Variants in ATP2C2 observed in about 807,000 individuals in gnomAD.
ATP2C2 encodes calcium-transporting ATPase type 2C member 2.
Under a neutral mutation model 110.8 loss-of-function variants are expected in ATP2C2, and 171 were observed. That is an observed-to-expected ratio of 1.54 (90% CI 1.36 to 1.75). The LOEUF (loss-of-function observed/expected upper bound fraction) is 1.75. ATP2C2 is among the 40% of genes most tolerant of loss of function. The probability of loss-of-function intolerance (pLI) is 0.00; values close to 1 mark genes in which losing one functional copy is unlikely to be tolerated. For synonymous variants in ATP2C2, 804 were observed against 508.4 expected (o/e 1.58, Z -7.82); for missense variants, 1,963 against 1,235.0 (o/e 1.59, Z -8.84).
chr16:84,442,235 C>A (rs1344447566), intron 14 of ATP2C2, among the ~76,000 whole-genome samples: 3 of 152,164 alleles, frequency 2.0e-5, no homozygotes, highest in African/African-American at 7.2e-5. Flanking sequence ...ATGCCATCAT[C>A]CCCATTATCG....
chr16:84,397,819 G>T (rs1021334254), intron 1 of ATP2C2, among the ~76,000 whole-genome samples: 2 of 151,796 alleles, frequency 1.3e-5, no homozygotes, highest in African/African-American at 4.9e-5. Flanking sequence ...GTTGCTACAT[G>T]CATTCTCACT....
chr16:84,401,594 C>T (rs1403892251), intron 2 of ATP2C2, among the ~76,000 whole-genome samples: 1 of 152,134 alleles, frequency 6.6e-6, no homozygotes, highest in Non-Finnish European at 1.5e-5. Flanking sequence ...ATTGCCCTTT[C>T]CCCAGTGGAT....
chr16:84,425,866 C>T (rs1472393304), intron 11 of ATP2C2, 65 bp downstream of exon 11: 7 of 1,563,510 alleles, frequency 4.5e-6, no homozygotes, highest in Non-Finnish European at 5.3e-6. Flanking sequence ...CCCTTCCCTG[C>T]CGCAAGAGAA....
chr16:84,403,178 T>C (rs1269715278), intron 2 of ATP2C2, among the ~76,000 whole-genome samples: 4 of 152,222 alleles, frequency 2.6e-5, no homozygotes, highest in Non-Finnish European at 5.9e-5. Context: ...TCTCTTTTTT[T>C]CTTAGCCTGG....
intron 11 of ATP2C2, among the ~76,000 whole-genome samples, chr16:84,438,074 T>C (rs976831542): frequency 9.8e-5 from 15 of 152,392 alleles, no homozygotes; most frequent in African/African-American, 3.6e-4. Context: ...TTTCTTTGGC[T>C]AAAGTGTATT....
intron 2 of ATP2C2, 52 bp from the exon 3 acceptor site, chr16:84,405,076 C>A (rs774781137): frequency 6.7e-7 from 1 of 1,487,946 alleles, no homozygotes; most frequent in African/African-American, 1.4e-5. Context: ...ACCCTGTTGC[C>A]TCATTCCTTG....
rs1907523724 is a variant in ATP2C2 at position 84,423,317 on chromosome 16, C to T, written c.919+54C>T. Reference sequence around the variant, plus strand: ...TGTTCTGCAGATGGAGGGGAGCCATCATAGGGGGGTTGCCATGGCCGTTTC... The same window carrying T: ...TGTTCTGCAGATGGAGGGGAGCCATTATAGGGGGGTTGCCATGGCCGTTTC... On this transcript the variant is annotated intron_variant, in intron 10 of 26. Transcript: ENST00000262429. 6 of 1,532,952 alleles carry T rather than the reference C, an allele frequency of 3.9e-6. No individual in the cohort carries two copies. The African/African-American group carries it at 8.2e-5, about 21-fold the overall frequency. The allele number at this position is 1,532,952 out of a possible 1,614,324, so 95.0% of individuals were successfully genotyped here. A position where few individuals can be genotyped will look rare whatever the true frequency, so the allele number is the denominator to read the frequency against.
intron 1 of ATP2C2, among the ~76,000 whole-genome samples, chr16:84,388,919 G>A (rs1041579818): frequency 7.2e-5 from 11 of 152,054 alleles, no homozygotes; most frequent in Non-Finnish European, 1.6e-4. Flanking sequence ...CTACAGGTGG[G>A]CGCCACCATG....
At chr16:84,446,114 A>G (rs1909724099) in intron 15 of ATP2C2, among the ~76,000 whole-genome samples, 2 of 150,688 alleles carry the variant, frequency 1.3e-5, no homozygotes, top group Non-Finnish European at 2.9e-5. Flanking sequence ...TGTTGCAAAG[A>G]CCGTCTTGTC....
intron 15 of ATP2C2, 55 bp from the exon 16 acceptor site, chr16:84,446,274 G>A: frequency 9.5e-7 from 1 of 1,052,412 alleles, no homozygotes; most frequent in Non-Finnish European, 1.4e-6. Context: ...ACTGAGCTTT[G>A]TATAGAGATT....
At chr16:84,409,997 A>G (rs1225288751) in intron 4 of ATP2C2, among the ~76,000 whole-genome samples, 1 of 152,260 alleles carries the variant, frequency 6.6e-6, no homozygotes, top group East Asian at 1.9e-4. Flanking sequence ...TCACGAGGTC[A>G]GGAGATCGAG....
At chr16:84,433,950 T>C (rs914889191) in intron 11 of ATP2C2, among the ~76,000 whole-genome samples, 2 of 152,250 alleles carry the variant, frequency 1.3e-5, no homozygotes, top group Admixed American at 6.5e-5. Flanking sequence ...GGGAGACACT[T>C]TCCCCCTCTC....
intron 26 of ATP2C2, 188 bp downstream of exon 26, chr16:84,462,317 G>C (rs1417565265): frequency 1.4e-6 from 1 of 724,678 alleles, no homozygotes. Context: ...TGTGACGGAT[G>C]CACAGAAACC....
intron 1 of ATP2C2, among the ~76,000 whole-genome samples, chr16:84,394,997 G>A (rs976751845): frequency 1.3e-5 from 2 of 152,086 alleles, no homozygotes; most frequent in African/African-American, 2.4e-5. Context: ...TCCTGTTTGA[G>A]GCTGAGTTGA....
At chr16:84,430,973 C>T (rs1908226705) in intron 11 of ATP2C2, among the ~76,000 whole-genome samples, 2 of 152,058 alleles carry the variant, frequency 1.3e-5, no homozygotes, top group South Asian at 4.2e-4. Flanking sequence ...TCCTTGGCGG[C>T]CATTGGCAAT....
chr16:84,448,768 T>TA (rs1909994867), intron 17 of ATP2C2, 79 bp downstream of exon 17: 1 of 1,523,614 alleles, frequency 6.6e-7, no homozygotes, highest in African/African-American at 1.4e-5. Flanking sequence ...GCAGGGTCCC[T>TA]AGTCAAGGAG....
At chr16:84,441,471 C>G (rs766518464) in intron 14 of ATP2C2, among the ~76,000 whole-genome samples, 1 of 152,014 alleles carries the variant, frequency 6.6e-6, no homozygotes, top group Non-Finnish European at 1.5e-5. Context: ...TCCTGCGGTC[C>G]GAGCTGTACT....
At chr16:84,406,132 T>A (rs1340868357) in intron 3 of ATP2C2, among the ~76,000 whole-genome samples, 2 of 152,214 alleles carry the variant, frequency 1.3e-5, no homozygotes, top group Non-Finnish European at 2.9e-5. Flanking sequence ...GCCAGGGAGC[T>A]GCACCCAGAG....
intron 3 of ATP2C2, among the ~76,000 whole-genome samples, chr16:84,405,707 C>A (rs558935715): frequency 1.6e-4 from 23 of 147,206 alleles, no homozygotes; most frequent in East Asian, 1.4e-3. Context: ...ATCACTTGAG[C>A]CCAGGAGTTC....
Sources: gnomAD v4.1 joint callset for allele counts (sites outside exome capture counted in the v4.1 genomes callset) on GRCh38, gnomAD v4.1.1 for gene constraint, MANE v1.5 for transcripts, NCBI Gene and HGNC (gene_info 2026-07-23, HGNC 2026-07-21) for gene names.